Variants in EPHA3 observed in about 807,000 individuals in gnomAD.
EPHA3 encodes the protein EPH receptor A3, also known as ephrin type-A receptor 3.
In EPHA3, 42 loss-of-function variants were observed where a neutral mutation model predicts 107.1. The observed-to-expected ratio is 0.39, with a 90% CI of 0.31 to 0.51. EPHA3 has a LOEUF of 0.51. Among genes scored for constraint, EPHA3 ranks in the 20% least tolerant of loss-of-function variants. EPHA3 has a pLI of 0.78. For synonymous variants in EPHA3, 461 were observed against 424.8 expected, an observed-to-expected ratio of 1.09 and a Z score of -1.05; for missense variants, 1,183 against 1,211.2, an observed-to-expected ratio of 0.98 and a Z score of 0.35.
chr3:89,225,582 C>T (rs1322883418), intron 3 of EPHA3, among the ~76,000 whole-genome samples: 3 of 152,066 alleles, frequency 2.0e-5, no homozygotes, highest in Admixed American at 6.6e-5. Flanking sequence ...TTACAGAAAA[C>T]GTCTTTGGTA....
rs985403986 is a variant in EPHA3 at position 89,358,351 on chromosome 3, TA to T, written c.1306+16270del. 1.0e-4 allele frequency among the ~76,000 whole-genome samples: 15 copies of T among 150,076 alleles called. No individual in the cohort carries two copies. The South Asian group carries it at 1.3e-3, about 13-fold the overall frequency. On this transcript the variant is annotated intron_variant, in intron 5 of 16. Transcript: ENST00000336596. ...GGAACATTTAGCAGTAAATGTGGTC[TA>T]AAAAAAAACCCATTTAGATAACTCC...
At chr3:89,191,377 G>T (rs1461323705) in intron 2 of EPHA3, among the ~76,000 whole-genome samples, 1 of 151,762 alleles carries the variant, frequency 6.6e-6, no homozygotes, top group South Asian at 2.1e-4. Flanking sequence ...CACGATCTCG[G>T]CTCACTGCAA....
chr3:89,330,388 T>A (rs1275453116), intron 3 of EPHA3, among the ~76,000 whole-genome samples: 2 of 152,082 alleles, frequency 1.3e-5, no homozygotes, highest in Non-Finnish European at 2.9e-5. Flanking sequence ...ATAATAAAAA[T>A]CCAATGTATA....
chr3:89,276,068 T>G (rs1705798177), intron 3 of EPHA3, among the ~76,000 whole-genome samples: 1 of 151,844 alleles, frequency 6.6e-6, no homozygotes, highest in Non-Finnish European at 1.5e-5. Context: ...ACTCAGGAAA[T>G]AGAAAAATGG....
chr3:89,219,688 G>GTGTTTTTTTTTTGT, intron 3 of EPHA3, among the ~76,000 whole-genome samples: 1 of 34,440 alleles, frequency 2.9e-5, no homozygotes, highest in Non-Finnish European at 5.2e-5. Flanking sequence ...ATTTGGCAAT[G>GTGTTTTTTTTTTGT]TTTTTTTTTT....
chr3:89,213,161 C>T (rs1245208126), intron 3 of EPHA3, among the ~76,000 whole-genome samples: 1 of 151,990 alleles, frequency 6.6e-6, no homozygotes, highest in Non-Finnish European at 1.5e-5. Flanking sequence ...AAGGCACCCT[C>T]TGGAACTGCA....
intron 15 of EPHA3, among the ~76,000 whole-genome samples, chr3:89,451,969 T>G (rs1710002006): frequency 6.6e-6 from 1 of 152,032 alleles, no homozygotes; most frequent in Non-Finnish European, 1.5e-5. Flanking sequence ...TAACCATGCC[T>G]TAGTATCATA....
chr3:89,405,844 A>T (rs1325222309), intron 7 of EPHA3, among the ~76,000 whole-genome samples: 7 of 152,140 alleles, frequency 4.6e-5, no homozygotes, highest in Non-Finnish European at 2.9e-5. Flanking sequence ...AAATATCTAG[A>T]GATTAGGATG....
intron 3 of EPHA3, among the ~76,000 whole-genome samples, chr3:89,287,036 G>A (rs1485265119): frequency 6.6e-6 from 1 of 152,070 alleles, no homozygotes; most frequent in Non-Finnish European, 1.5e-5. Flanking sequence ...TCTTTTCATA[G>A]AACCTGACTA....
At chr3:89,330,668 T>A (rs1020340300) in intron 3 of EPHA3, among the ~76,000 whole-genome samples, 1 of 152,158 alleles carries the variant, frequency 6.6e-6, no homozygotes, top group Non-Finnish European at 1.5e-5. Context: ...TTCCAGTTTG[T>A]CATCTTTTAT....
chr3:89,434,732 C>T (rs1465857273), intron 13 of EPHA3, among the ~76,000 whole-genome samples: 2 of 152,096 alleles, frequency 1.3e-5, no homozygotes, highest in Admixed American at 6.6e-5. Flanking sequence ...AGAAAAGTGT[C>T]GTATGGAAAT....
At chr3:89,181,687 C>CT (rs1054794620) in intron 2 of EPHA3, among the ~76,000 whole-genome samples, 9 of 151,872 alleles carry the variant, frequency 5.9e-5, no homozygotes, top group African/African-American at 2.2e-4. Context: ...GCTCCATAAT[C>CT]TGGGGGTATA....
chr3:89,108,486 C>G (rs922590782), intron 1 of EPHA3, among the ~76,000 whole-genome samples: 1 of 152,100 alleles, frequency 6.6e-6, no homozygotes, highest in East Asian at 1.9e-4. Context: ...GTTGGATTCT[C>G]TTTGTTTAAA....
Position 89,210,078 on chromosome 3 carries a change from C to T in EPHA3, c.372C>T (p.Tyr124=), listed in dbSNP as rs1706231108. ...GCAAGGAGACATTCAACCTGTACTA[C>T]ATGGAGTCTGATGATGATCATGGGG... ...GTCKETFNLY[Y]MESDDDHGVK... is the part of the protein sequence containing the mutation. The change falls in exon 3 of 17, where the codon TAC becomes TAT. Residue 124 remains tyrosine (Y), a synonymous_variant. Transcript: ENST00000336596. 1 of 1,614,038 alleles carries T rather than the reference C, an allele frequency of 6.2e-7. No individual in the cohort carries two copies. The highest frequency in any genetic ancestry group is 8.5e-7 in the Non-Finnish European group (1 of 1,179,934).
At chr3:89,372,027 T>A (rs142244143) in intron 5 of EPHA3, among the ~76,000 whole-genome samples, 2,308 of 151,626 alleles carry the variant, frequency 0.015, 44 homozygotes, top group African/African-American at 0.053. Flanking sequence ...TAAAACCATT[T>A]TAGCAGAGAG....
chr3:89,111,107 A>G, intron 1 of EPHA3, among the ~76,000 whole-genome samples: 1 of 152,024 alleles, frequency 6.6e-6, no homozygotes, highest in East Asian at 1.9e-4. Flanking sequence ...CTAAGACACT[A>G]TTTCTATGAA....
At chr3:89,140,955 C>T (rs998902516) in intron 2 of EPHA3, among the ~76,000 whole-genome samples, 18 of 151,624 alleles carry the variant, frequency 1.2e-4, no homozygotes, top group Admixed American at 9.2e-4. Flanking sequence ...CTAGTGCTTT[C>T]GATATATCAT....
chr3:89,203,539 C>T (rs1334056874), intron 2 of EPHA3, among the ~76,000 whole-genome samples: 1 of 151,546 alleles, frequency 6.6e-6, no homozygotes, highest in Non-Finnish European at 1.5e-5. Context: ...TTTGGGAGGC[C>T]GAGGCGGGCA....
intron 3 of EPHA3, among the ~76,000 whole-genome samples, chr3:89,275,039 C>T (rs1705771882): frequency 6.6e-6 from 1 of 151,978 alleles, no homozygotes; most frequent in Admixed American, 6.6e-5. Flanking sequence ...AATGATGAAA[C>T]TGAAGCTTTG....
Sources: allele counts gnomAD v4.1 joint callset (sites outside exome capture counted in the v4.1 genomes callset), GRCh38; gene constraint gnomAD v4.1.1; transcripts MANE v1.5; gene names NCBI Gene and HGNC (gene_info 2026-07-23, HGNC 2026-07-21).